AGBL5: variants seen among roughly 807,000 people sequenced by gnomAD.
The protein encoded by AGBL5 is cytosolic carboxypeptidase-like protein 5.
Under a neutral mutation model 88.0 loss-of-function variants are expected in AGBL5, and 51 were observed. That is an observed-to-expected ratio of 0.58 (90% CI 0.46 to 0.73). The LOEUF is 0.73. Among genes scored for constraint, AGBL5 ranks in the 30% least tolerant of loss-of-function variants. AGBL5 has a pLI of 0.00. For synonymous variants in AGBL5, 446 were observed against 438.8 expected (o/e 1.02, Z -0.21); for missense variants, 1,031 against 1,162.2 (o/e 0.89, Z 1.64).
intron 8 of AGBL5, 108 bp downstream of exon 8, chr2:27,056,900 G>A (rs1432990790): frequency 1.0e-5 from 13 of 1,292,892 alleles, no homozygotes; most frequent in Non-Finnish European, 1.2e-5. Flanking sequence ...GGAGGCTGAG[G>A]CAGGAGAATC....
chr2:27,052,560 T>C (rs547406501), intron 1 of AGBL5: 1 of 157,222 alleles, frequency 6.4e-6, no homozygotes, highest in South Asian at 1.9e-4. Flanking sequence ...GTATCTTGGC[T>C]AGGTTTGGAA....
At chr2:27,068,832 C>A in intron 13 of AGBL5, 88 bp downstream of exon 13, 1 of 1,560,370 alleles carries the variant, frequency 6.4e-7, no homozygotes, top group Non-Finnish European at 8.7e-7. Flanking sequence ...AAATGCTCAG[C>A]ACTGCTTTAC....
chr2:27,052,188 G>C (rs1668190151), intron 1 of AGBL5: 1 of 152,356 alleles, frequency 6.6e-6, no homozygotes, highest in South Asian at 2.1e-4. Context: ...TACTAGGGTA[G>C]CTTTCTCAGG....
At position 27,053,351 on chromosome 2, in the gene AGBL5, T is replaced by G. The variant is rs534677696; in HGVS notation, c.216-51T>G. 4.5e-5 allele frequency: 72 copies of G among 1,589,678 alleles called. 1 individual carries two copies. The East Asian group carries it at 1.6e-3, about 35-fold the overall frequency. On this transcript the variant is annotated intron_variant, in intron 2 of 14. Transcript: ENST00000360131. The surrounding 1 kb of genome is among the most constrained non-coding windows in gnomAD (Gnocchi z 4.9). The stretch of plus-strand genomic sequence containing the variant: ...CTGGCTCCGGCTCTCCCACAGACCA[T>G]ATCTCCAACCCTTCCACACGTAATG...
chr2:27,059,647 C>A, intron 11 of AGBL5: 2 of 852,998 alleles, frequency 2.3e-6, no homozygotes, highest in Admixed American at 3.0e-5. Context: ...ATGCTAGGAG[C>A]CAGGGAAGTT....
At chr2:27,067,357 T>G (rs1669042980) in intron 11 of AGBL5, 137 bp from the exon 12 acceptor site, 5 of 757,700 alleles carry the variant, frequency 6.6e-6, no homozygotes, top group Non-Finnish European at 1.1e-5. Context: ...AATAGTTACT[T>G]CAGGAGAGGG....
At chr2:27,067,291 C>T (rs547491455) in intron 11 of AGBL5, among the ~76,000 whole-genome samples, 1 of 148,746 alleles carries the variant, frequency 6.7e-6, no homozygotes, top group African/African-American at 2.5e-5. Context: ...AGGATGAAGG[C>T]TGGTGGAGAA....
chr2:27,059,117 G>T, intron 10 of AGBL5, 73 bp from the exon 11 acceptor site: 2 of 1,438,804 alleles, frequency 1.4e-6, no homozygotes, highest in Non-Finnish European at 1.9e-6. Context: ...GCTTTACTGA[G>T]CAGCAGATCC....
intron 13 of AGBL5, chr2:27,068,997 G>C: frequency 2.8e-6 from 4 of 1,446,784 alleles, no homozygotes; most frequent in South Asian, 1.2e-5. Context: ...TAGCCTGCTA[G>C]CTTTGGCTTT....
At chr2:27,066,428 GA>G (rs992961915) in intron 11 of AGBL5, among the ~76,000 whole-genome samples, 1 of 152,050 alleles carries the variant, frequency 6.6e-6, no homozygotes. Context: ...ACTTTCTTGG[GA>G]AAAAAATCTC....
chr2:27,055,882 A>G lies in AGBL5; in HGVS notation c.1109A>G (p.Asn370Ser), dbSNP rs35445642. ...GTTTCTGACCTGGAGAAAGCCAACAATCTCCAAAATGAAGCTCAGTGTGGG... is the reference window on the plus strand; with the variant it reads ...GTTTCTGACCTGGAGAAAGCCAACAGTCTCCAAAATGAAGCTCAGTGTGGG... ...APVSDLEKAN[N>S]LQNEAQCGHS... The change falls in exon 7 of 15, where the codon AAT becomes AGT. Residue 370 changes from asparagine to serine, a missense_variant. Physicochemically the swap from Asn to Ser is conservative, Grantham distance 46. This residue lies in a region of AGBL5 where 540 missense variants were observed against 678.2 expected (regional missense o/e 0.80). Coordinates refer to ENST00000360131, the MANE Select transcript of AGBL5 (RefSeq NM_021831.6). 5.9e-5 allele frequency: 96 copies of G among 1,614,156 alleles called. No individual in the cohort carries two copies. In the African/African-American group the frequency reaches 1.0e-3, roughly 17 times the overall value.
chr2:27,069,399 C>T, intron 13 of AGBL5, 174 bp from the exon 14 acceptor site: 1 of 985,364 alleles, frequency 1.0e-6, no homozygotes, highest in Non-Finnish European at 1.2e-6. Flanking sequence ...GGACTGAATC[C>T]AGGACTTCTC....
chr2:27,067,714 G>A (rs775785798), intron 12 of AGBL5, 68 bp downstream of exon 12: 2 of 1,585,286 alleles, frequency 1.3e-6, no homozygotes, highest in South Asian at 2.2e-5. Context: ...GGTTCTTTAA[G>A]CCTAGTTGGG....
At chr2:27,064,197 T>C in intron 11 of AGBL5, among the ~76,000 whole-genome samples, 1 of 152,224 alleles carries the variant, frequency 6.6e-6, no homozygotes, top group Non-Finnish European at 1.5e-5. Flanking sequence ...TAGCTAATGT[T>C]TTAGGTTATT....
rs2278593 is a variant in AGBL5, at chr2:27,056,145, A to G, written c.1365+7A>G. 0.074 allele frequency: 119,477 copies of G among 1,605,732 alleles called. 5,174 individuals carry two copies. Among genetic ancestry groups the G allele is most frequent in the East Asian group, 0.17 (7,435 of 44,674 alleles). ...TAGTGATGAGAGCACCCAGGTGGGA[A>G]TCCTAAGAATGTCATGTGAGTGTGA... On this transcript the variant is annotated splice_region_variant and intron_variant, in intron 7 of 14. Coordinates refer to ENST00000360131, the MANE Select transcript of AGBL5 (RefSeq NM_021831.6).
chr2:27,069,770 T>A, intron 14 of AGBL5, 64 bp downstream of exon 14: 3 of 1,551,666 alleles, frequency 1.9e-6, no homozygotes, highest in Middle Eastern at 1.8e-4. Context: ...CCCATTTCTG[T>A]CATTCAGAAT....
chr2:27,059,520 T>C (rs1311822721), intron 11 of AGBL5, 116 bp downstream of exon 11: 6 of 1,545,952 alleles, frequency 3.9e-6, no homozygotes, highest in Non-Finnish European at 5.2e-6. Context: ...ATCAATAAAA[T>C]TAGTTTGTAG....
At position 27,052,968 on chromosome 2, in the gene AGBL5, C is replaced by T. The variant is rs751461917; in HGVS notation, c.10C>T (p.Arg4Cys). ...CTTTCCCAGCCCCACCATGGAGCTG[C>T]GCTGTGGGGGATTGCTGTTCAGTTC... Reference protein sequence around the residue: MELRCGGLLFSSRF... With the variant: MELCCGGLLFSSRF... Residue 4 changes from arginine to cysteine, a missense_variant, in exon 2 of 15, where the codon CGC becomes TGC. Physicochemically the swap from Arg to Cys is radical, Grantham distance 180 (BLOSUM62 -3). Around this residue, in one of 2 missense-constraint regions of AGBL5, gnomAD observed 540 missense variants for 678.2 expected, o/e 0.80. Transcript: ENST00000360131. The T allele has an allele frequency of 4.4e-6, 7 of 1,605,322 alleles. No homozygotes were observed. Among genetic ancestry groups the T allele is most frequent in the Non-Finnish European group, 6.0e-6 (7 of 1,174,536 alleles).
chr2:27,070,202 G>A lies in AGBL5; in HGVS notation c.2600G>A (p.Gly867Asp). Reference sequence around the variant, plus strand: ...AATTGTTACAGCAGGGGTCCCTTGGGCCAACCTGAGGTTTGTTTTGTCCCT... The same window carrying A: ...AATTGTTACAGCAGGGGTCCCTTGGACCAACCTGAGGTTTGTTTTGTCCCT... ...SWNCYSRGPL[G>D]QPEVCFVPKS... The change falls in exon 15 of 15, where the codon GGC (glycine) becomes GAC (aspartate). Residue 867 changes from glycine to aspartate, a missense_variant. Physicochemically the swap from Gly to Asp is moderately conservative, Grantham distance 94. Coordinates refer to ENST00000360131, the MANE Select transcript of AGBL5 (RefSeq NM_021831.6). 3.1e-6 allele frequency: 5 copies of A among 1,614,202 alleles called. No individual in the cohort carries two copies. The highest frequency in any genetic ancestry group is 4.2e-6 in the Non-Finnish European group (5 of 1,180,032).
Sources: gnomAD v4.1 joint callset for allele counts (sites outside exome capture counted in the v4.1 genomes callset) on GRCh38, gnomAD v4.1.1 for gene constraint, gnomAD v4.1.1 regional missense constraint, Gnocchi (gnomAD v3.1) non-coding constraint, MANE v1.5 for transcripts, NCBI Gene and HGNC (gene_info 2026-07-23, HGNC 2026-07-21) for gene names.